Variants in LMNTD1 observed in about 807,000 individuals in gnomAD.
The protein encoded by LMNTD1 is lamin tail domain-containing protein 1.
LMNTD1 carries 35 observed loss-of-function variants against 50.9 expected under a neutral mutation model. The ratio of observed to expected loss-of-function variants is 0.69; its 90% confidence interval spans 0.53 to 0.91. LMNTD1 has a LOEUF of 0.91. LMNTD1 is among the 40% of genes least tolerant of loss of function. The pLI is 0.00. For synonymous variants in LMNTD1, 153 were observed against 161.9 expected (o/e 0.94, Z 0.42); for missense variants, 470 against 475.5 (o/e 0.99, Z 0.11).
intron 8 of LMNTD1, among the ~76,000 whole-genome samples, chr12:25,510,531 G>C (rs1940186052): frequency 6.6e-6 from 1 of 151,890 alleles, no homozygotes; most frequent in Admixed American, 6.6e-5. Flanking sequence ...TATTGTTTCT[G>C]TCCCAACCTC....
chr12:25,522,289 T>C lies in LMNTD1; in HGVS notation c.799-2214A>G, dbSNP rs76668735. ...TTTGAAAATATGTTCATGATCTTTT[T>C]AGTGTGATCTCCCTTATTGAGGTGT... On this transcript the variant is annotated intron_variant, in intron 6 of 9. Transcript: ENST00000458174. 4.6e-3 allele frequency among the ~76,000 whole-genome samples: 707 copies of C among 152,326 alleles called. 3 individuals carry two copies. The highest frequency in any genetic ancestry group is 7.9e-3 in the South Asian group (38 of 4,822).
intron 3 of LMNTD1, among the ~76,000 whole-genome samples, chr12:25,547,958 G>A (rs540517810): frequency 9.9e-5 from 15 of 151,904 alleles, no homozygotes; most frequent in South Asian, 8.3e-4. Context: ...GGAAGCCACT[G>A]TATTTCATTT....
chr12:25,605,024 C>CT (rs1201968821), intron 1 of LMNTD1, among the ~76,000 whole-genome samples: 2 of 151,554 alleles, frequency 1.3e-5, no homozygotes, highest in African/African-American at 4.9e-5. Flanking sequence ...TTCCTGACTT[C>CT]TTAATGATTG....
At chr12:25,531,331 G>A (rs139924587) in intron 4 of LMNTD1, among the ~76,000 whole-genome samples, 181 of 152,304 alleles carry the variant, frequency 1.2e-3, no homozygotes, top group Non-Finnish European at 2.3e-3. Flanking sequence ...TGTTATGGCA[G>A]CAATAGGACA....
intron 8 of LMNTD1, among the ~76,000 whole-genome samples, chr12:25,506,004 A>G (rs1284228155): frequency 6.6e-6 from 1 of 152,224 alleles, no homozygotes; most frequent in Non-Finnish European, 1.5e-5. Context: ...TGAGGAATAT[A>G]TAAGGAAAAA....
intron 4 of LMNTD1, among the ~76,000 whole-genome samples, chr12:25,527,677 TATATACAC>T (rs1460123827): frequency 3.2e-3 from 63 of 19,552 alleles, no homozygotes; most frequent in East Asian, 7.1e-3. Context: ...TATATATATA[TATATACAC>T]ACACACACAC....
At chr12:25,624,113 A>G (rs899460399) in intron 1 of LMNTD1, among the ~76,000 whole-genome samples, 1 of 152,206 alleles carries the variant, frequency 6.6e-6, no homozygotes, top group African/African-American at 2.4e-5. Flanking sequence ...AGCAATGCTC[A>G]TTGACTGTTC....
chr12:25,489,059 C>T (rs950498305), intron 9 of LMNTD1, among the ~76,000 whole-genome samples: 8 of 152,092 alleles, frequency 5.3e-5, no homozygotes, highest in Non-Finnish European at 1.2e-4. Context: ...TTTAAGTCTG[C>T]AGAGGTTACT....
chr12:25,595,466 G>A (rs561362770), intron 1 of LMNTD1, among the ~76,000 whole-genome samples: 2 of 152,218 alleles, frequency 1.3e-5, no homozygotes, highest in East Asian at 1.9e-4. Context: ...TAAATAATCT[G>A]TTCCTTAATG....
chr12:25,631,835 A>G (rs1304773294), intron 1 of LMNTD1, among the ~76,000 whole-genome samples: 1 of 152,232 alleles, frequency 6.6e-6, no homozygotes, highest in Non-Finnish European at 1.5e-5. Flanking sequence ...TCAAGAGGTT[A>G]GTTATTAAGC....
At chr12:25,524,090 C>T (rs777221671) in intron 6 of LMNTD1, among the ~76,000 whole-genome samples, 13 of 152,198 alleles carry the variant, frequency 8.5e-5, no homozygotes, top group Non-Finnish European at 1.6e-4. Context: ...GCAAACTCCT[C>T]TCCACTACAG....
chr12:25,586,789 G>T lies in LMNTD1; in HGVS notation c.59-40235C>A, dbSNP rs538244482. ...TCTCTGGACTAGCTTTTTAAGTGGT[G>T]AGTTACTGTCAGTCAAGCCAATCCT... On this transcript the variant is annotated intron_variant, in intron 1 of 7. Transcript: ENST00000445693. Among the ~76,000 whole-genome samples the T allele has an allele frequency of 1.7e-4, 26 of 152,300 alleles. No individual in the cohort carries two copies. The South Asian group carries it at 5.4e-3, about 32-fold the overall frequency.
At chr12:25,647,828 A>G (rs995754955) in intron 1 of LMNTD1, among the ~76,000 whole-genome samples, 1 of 152,218 alleles carries the variant, frequency 6.6e-6, no homozygotes, top group African/African-American at 2.4e-5. Flanking sequence ...CCTCTTGACT[A>G]TTACAGATTG....
At position 25,552,360 on chromosome 12, in the gene LMNTD1, T is replaced by C. The variant is rs371391593; in HGVS notation, c.89+511A>G. Among the ~76,000 whole-genome samples, 31 of 152,006 alleles carry C rather than the reference T, an allele frequency of 2.0e-4. No individual in the cohort carries two copies. The East Asian group carries it at 3.7e-3, about 18-fold the overall frequency. ...GAGGCCAGGCGCGGTGGCTCACGCT[T>C]GTAATCCCAGCACTTTGGGAGGCCG... On this transcript the variant is annotated intron_variant, in intron 2 of 9. Coordinates refer to ENST00000458174, the MANE Select transcript of LMNTD1 (RefSeq NM_001145728.2).
chr12:25,588,219 A>G (rs1035165611), intron 1 of LMNTD1, among the ~76,000 whole-genome samples: 2 of 152,224 alleles, frequency 1.3e-5, no homozygotes, highest in African/African-American at 4.8e-5. Flanking sequence ...ATAGCAACTA[A>G]CTAGAAATTT....
intron 1 of LMNTD1, among the ~76,000 whole-genome samples, chr12:25,609,933 A>G (rs1169797348): frequency 6.6e-6 from 1 of 152,170 alleles, no homozygotes; most frequent in Non-Finnish European, 1.5e-5. Flanking sequence ...TTTTTCAGCT[A>G]TGCCCAGCCC....
chr12:25,594,893 T>A (rs1945808772), intron 1 of LMNTD1, among the ~76,000 whole-genome samples: 1 of 151,948 alleles, frequency 6.6e-6, no homozygotes, highest in African/African-American at 2.4e-5. Flanking sequence ...AAAAAGACAT[T>A]CCATGCAAAT....
intron 1 of LMNTD1, among the ~76,000 whole-genome samples, chr12:25,646,886 G>A (rs1288549999): frequency 1.3e-5 from 2 of 152,136 alleles, no homozygotes; most frequent in Non-Finnish European, 2.9e-5. Context: ...TTTCAACTTT[G>A]AAATTCAAAT....
chr12:25,570,261 G>A (rs112812722), intron 1 of LMNTD1, among the ~76,000 whole-genome samples: 40 of 152,252 alleles, frequency 2.6e-4, no homozygotes, highest in African/African-American at 9.6e-4. Context: ...TAAATATAGT[G>A]CATGACAGAA....
Sources: gnomAD v4.1 joint callset for allele counts (sites outside exome capture counted in the v4.1 genomes callset) on GRCh38, gnomAD v4.1.1 for gene constraint, MANE v1.5 for transcripts, NCBI Gene and HGNC (gene_info 2026-07-23, HGNC 2026-07-21) for gene names.